Variants in RALGPS2 observed in about 807,000 individuals in gnomAD.
The protein encoded by RALGPS2 is ras-specific guanine nucleotide-releasing factor RalGPS2.
Under a neutral mutation model 86.8 loss-of-function variants are expected in RALGPS2, and 43 were observed. That is an observed-to-expected ratio of 0.50 (90% CI 0.39 to 0.64). The LOEUF is 0.64. Among genes scored for constraint, RALGPS2 ranks in the 30% least tolerant of loss-of-function variants. The pLI, the probability that RALGPS2 is intolerant of heterozygous loss-of-function variation, is 0.00. For synonymous variants in RALGPS2, 243 were observed against 231.3 expected, an observed-to-expected ratio of 1.05 and a Z score of -0.46; for missense variants, 536 against 694.6, an observed-to-expected ratio of 0.77 and a Z score of 2.57.
chr1:178,871,563 ATGT>A (rs1310367981), intron 8 of RALGPS2, among the ~76,000 whole-genome samples: 1 of 152,190 alleles, frequency 6.6e-6, no homozygotes, highest in Non-Finnish European at 1.5e-5. Context: ...AAGAAACTTG[ATGT>A]TGTTGTAGTA....
At position 178,747,831 on chromosome 1, in the gene RALGPS2, C is replaced by T. The variant is rs1651424653; in HGVS notation, c.-84+22412C>T. ...AGGCCCTGCACGATCCGCAGAGAGCCTATATTACATTAATCATAATGTTAA... is the reference window on the plus strand; with the variant it reads ...AGGCCCTGCACGATCCGCAGAGAGCTTATATTACATTAATCATAATGTTAA... On this transcript the variant is annotated intron_variant, in intron 1 of 19. Transcript: ENST00000367635. The T allele has an allele frequency of 6.5e-6, 4 of 619,522 alleles. 1 individual carries two copies. The South Asian group carries it at 7.5e-5, about 12-fold the overall frequency. 38.4% of individuals were successfully genotyped at this position (619,522 alleles called of 1,614,324 possible).
chr1:178,873,122 A>T (rs943576860), intron 8 of RALGPS2, among the ~76,000 whole-genome samples: 1 of 152,208 alleles, frequency 6.6e-6, no homozygotes, highest in Non-Finnish European at 1.5e-5. Flanking sequence ...GAGACATTAC[A>T]TAGGGAGGGG....
chr1:178,774,511 A>G (rs1043151609), intron 1 of RALGPS2, among the ~76,000 whole-genome samples: 1 of 152,224 alleles, frequency 6.6e-6, no homozygotes, highest in Non-Finnish European at 1.5e-5. Context: ...TTGCCTAGAA[A>G]GTGGAATGAA....
intron 1 of RALGPS2, among the ~76,000 whole-genome samples, chr1:178,758,129 T>C (rs1652045718): frequency 6.6e-6 from 1 of 152,198 alleles, no homozygotes; most frequent in Non-Finnish European, 1.5e-5. Context: ...GAATTGGTTG[T>C]AATGTCACTT....
At chr1:178,853,344 AGT>A (rs1162048998) in intron 8 of RALGPS2, among the ~76,000 whole-genome samples, 2 of 152,154 alleles carry the variant, frequency 1.3e-5, no homozygotes, top group African/African-American at 4.8e-5. Context: ...ATCTTTGTAA[AGT>A]AGTAAGTATA....
At chr1:178,789,666 T>C (rs1167324449) in intron 4 of RALGPS2, among the ~76,000 whole-genome samples, 1 of 152,114 alleles carries the variant, frequency 6.6e-6, no homozygotes, top group Non-Finnish European at 1.5e-5. Context: ...AATAATAAGT[T>C]TAGGAGATGT....
intron 2 of RALGPS2, among the ~76,000 whole-genome samples, chr1:178,783,765 T>C (rs1462664268): frequency 6.6e-6 from 1 of 152,298 alleles, no homozygotes; most frequent in East Asian, 1.9e-4. Flanking sequence ...TATTATTATG[T>C]CATGGCACAG....
intron 19 of RALGPS2, among the ~76,000 whole-genome samples, chr1:178,907,222 G>C (rs1407475117): frequency 6.6e-6 from 1 of 152,214 alleles, no homozygotes; most frequent in East Asian, 1.9e-4. Context: ...CGAGCTATAA[G>C]AAGAGGAGAG....
intron 4 of RALGPS2, among the ~76,000 whole-genome samples, chr1:178,788,833 C>CTTTTGT (rs777659917): frequency 2.1e-4 from 27 of 129,004 alleles, no homozygotes; most frequent in African/African-American, 7.3e-4. Flanking sequence ...CTTTTGTTTT[C>CTTTTGT]TTTCTTTCTT....
At chr1:178,839,478 C>T (rs536877598) in intron 8 of RALGPS2, among the ~76,000 whole-genome samples, 4 of 152,038 alleles carry the variant, frequency 2.6e-5, no homozygotes, top group Non-Finnish European at 5.9e-5. Context: ...ATTTTGTCAC[C>T]ACCAGGCCTG....
chr1:178,861,062 T>C (rs1657973903), intron 8 of RALGPS2, among the ~76,000 whole-genome samples: 1 of 152,208 alleles, frequency 6.6e-6, no homozygotes, highest in South Asian at 2.1e-4. Context: ...TCCAGCACTC[T>C]CATTATACAA....
At position 178,802,633 on chromosome 1, in the gene RALGPS2, G is replaced by A. The variant is rs191073445; in HGVS notation, c.214-5412G>A. Among the ~76,000 whole-genome samples, 5 of 152,270 alleles carry A rather than the reference G, an allele frequency of 3.3e-5. No homozygotes were observed. The East Asian group carries it at 9.6e-4, about 29-fold the overall frequency. On this transcript the variant is annotated intron_variant, in intron 4 of 19. Transcript: ENST00000367635. ...CTTAAACTCACTGTAAGAGCAACACGAGGTGGGTACAAAATTATTATAGTA... is the reference window on the plus strand; with the variant it reads ...CTTAAACTCACTGTAAGAGCAACACAAGGTGGGTACAAAATTATTATAGTA...
At chr1:178,811,018 A>G (rs2102201229) in intron 5 of RALGPS2, among the ~76,000 whole-genome samples, 1 of 152,172 alleles carries the variant, frequency 6.6e-6, no homozygotes, top group Middle Eastern at 3.4e-3. Flanking sequence ...AAGCATTACA[A>G]AATTTTTGAA....
At chr1:178,888,942 A>C (rs1317751937) in intron 13 of RALGPS2, among the ~76,000 whole-genome samples, 1 of 152,044 alleles carries the variant, frequency 6.6e-6, no homozygotes, top group Non-Finnish European at 1.5e-5. Context: ...TAATCATCCT[A>C]ATTTTTTTGA....
chr1:178,873,982 G>A (rs1658885027), intron 8 of RALGPS2, among the ~76,000 whole-genome samples: 1 of 151,990 alleles, frequency 6.6e-6, no homozygotes, highest in Admixed American at 6.6e-5. Flanking sequence ...CTGGGTTCTC[G>A]CCATTCTCCT....
chr1:178,759,847 T>C (rs1461622451), intron 1 of RALGPS2, among the ~76,000 whole-genome samples: 1 of 152,188 alleles, frequency 6.6e-6, no homozygotes, highest in Non-Finnish European at 1.5e-5. Context: ...TTTGTGGTTC[T>C]TGTAAATGGG....
At chr1:178,889,438 T>C (rs1659627184) in intron 13 of RALGPS2, among the ~76,000 whole-genome samples, 2 of 152,028 alleles carry the variant, frequency 1.3e-5, no homozygotes, top group African/African-American at 4.8e-5. Context: ...TTATTTTAGG[T>C]TGTCGTGTCA....
rs1660866470 is a variant in RALGPS2 at position 178,917,969 on chromosome 1, C to T, written c.*1610C>T. The T allele has an allele frequency of 6.6e-6, 1 of 152,040 alleles. No individual in the cohort carries two copies. Among genetic ancestry groups the T allele is most frequent in the Non-Finnish European group, 1.5e-5 (1 of 67,970 alleles). The allele number at this position is 152,040 out of a possible 1,614,324, so 9.4% of individuals were successfully genotyped here. ...ATTATAAGTATTTTGCCCTTGAGTC[C>T]ATGAAACTTCAATAGAAAATATTGC... is the stretch of plus-strand genomic sequence containing the variant. On this transcript the variant is annotated 3_prime_UTR_variant, in exon 20 of 20. Transcript: ENST00000367635.
chr1:178,917,798 A>G lies in RALGPS2; in HGVS notation c.*1439A>G, dbSNP rs1014422791. On this transcript the variant is annotated 3_prime_UTR_variant, in exon 20 of 20. Coordinates refer to ENST00000367635, the MANE Select transcript of RALGPS2 (RefSeq NM_152663.5). Reference sequence around the variant, plus strand: ...AAACAAAGGCTATATGTCGAATGTTATAAACTCTTGAGACATAATGAATTT... The same window carrying G: ...AAACAAAGGCTATATGTCGAATGTTGTAAACTCTTGAGACATAATGAATTT... 1.2e-4 allele frequency: 19 copies of G among 152,188 alleles called. No individual in the cohort carries two copies. Among genetic ancestry groups the G allele is most frequent in the African/African-American group, 4.3e-4 (18 of 41,460 alleles). 9.4% of individuals were successfully genotyped at this position (152,188 alleles called of 1,614,324 possible). A position where few individuals can be genotyped will look rare whatever the true frequency, so the allele number is the denominator to read the frequency against.
Sources: allele counts gnomAD v4.1 joint callset (sites outside exome capture counted in the v4.1 genomes callset), GRCh38; gene constraint gnomAD v4.1.1; transcripts MANE v1.5; gene names NCBI Gene and HGNC (gene_info 2026-07-23, HGNC 2026-07-21).